Variants in OCA2 observed in about 807,000 individuals in gnomAD.
OCA2 encodes the protein OCA2 melanosomal transmembrane protein, also known as P protein.
OCA2 carries 77 observed loss-of-function variants against 100.2 expected under a neutral mutation model. The observed-to-expected ratio is 0.77, with a 90% CI of 0.64 to 0.93. OCA2 has a LOEUF of 0.93. Ranked by LOEUF, OCA2 falls within the 40% of genes least tolerant of loss-of-function variation. OCA2 has a pLI of 0.00. For synonymous variants in OCA2, 432 were observed against 439.2 expected, an observed-to-expected ratio of 0.98 and a Z score of 0.21; for missense variants, 1,062 against 1,089.1, an observed-to-expected ratio of 0.98 and a Z score of 0.35.
At chr15:27,817,075 C>T (rs2034330851) in intron 23 of OCA2, among the ~76,000 whole-genome samples, 1 of 152,204 alleles carries the variant, frequency 6.6e-6, no homozygotes, top group Non-Finnish European at 1.5e-5. Flanking sequence ...GGCCGTCCCT[C>T]TAGGCTCTGC....
At chr15:27,828,240 G>A (rs370972182) in intron 23 of OCA2, among the ~76,000 whole-genome samples, 38 of 152,218 alleles carry the variant, frequency 2.5e-4, no homozygotes, top group African/African-American at 7.5e-4. Context: ...GGAAGGGCTC[G>A]CTCTTGGCCA....
chr15:27,862,322 C>T (rs554976115), intron 21 of OCA2, among the ~76,000 whole-genome samples: 47 of 152,128 alleles, frequency 3.1e-4, no homozygotes, highest in African/African-American at 1.1e-3. Flanking sequence ...CGAGTCCTCA[C>T]GGACAGAAAG....
Position 28,053,283 on chromosome 15 carries a change from A to G in OCA2, c.228-21120T>C, listed in dbSNP as rs2043575719. 1.3e-5 allele frequency among the ~76,000 whole-genome samples: 2 copies of G among 152,206 alleles called. 1 individual carries two copies. Among genetic ancestry groups the G allele is most frequent in the South Asian group, 4.1e-4 (2 of 4,828 alleles). ...ACATGGGTGGGCCATGGAGGGCACA[A>G]GACAGCCACGTTCACCTTCACACAC... On this transcript the variant is annotated intron_variant, in intron 2 of 23. Transcript: ENST00000354638.
chr15:27,921,414 T>C, intron 19 of OCA2, among the ~76,000 whole-genome samples: 1 of 152,196 alleles, frequency 6.6e-6, no homozygotes, highest in East Asian at 1.9e-4. Flanking sequence ...AGAGAATTTG[T>C]TTCCAAAAGA....
chr15:27,970,876 G>A (rs2040759147), intron 14 of OCA2, among the ~76,000 whole-genome samples: 1 of 137,136 alleles, frequency 7.3e-6, no homozygotes, highest in Admixed American at 7.5e-5. Flanking sequence ...TGGGAAAACA[G>A]GAAGAACGTG....
intron 18 of OCA2, among the ~76,000 whole-genome samples, chr15:27,930,703 AG>A (rs1364829530): frequency 6.6e-6 from 1 of 150,814 alleles, no homozygotes; most frequent in Non-Finnish European, 1.5e-5. Flanking sequence ...CTGAGGATGG[AG>A]GTGCTGGGAG....
chr15:27,889,388 AG>A (rs1310112712), intron 19 of OCA2, among the ~76,000 whole-genome samples: 1 of 152,160 alleles, frequency 6.6e-6, no homozygotes, highest in African/African-American at 2.4e-5. Context: ...ACACATGCTC[AG>A]TTCCTGCCAC....
At chr15:27,926,278 G>A (rs924324171) in intron 18 of OCA2, 24 bp from the exon 19 acceptor site, 6 of 1,613,574 alleles carry the variant, frequency 3.7e-6, no homozygotes, top group Non-Finnish European at 5.1e-6. Flanking sequence ...AATAGACATA[G>A]AGATATAGTT....
intron 18 of OCA2, among the ~76,000 whole-genome samples, chr15:27,931,193 C>T (rs1327931943): frequency 6.8e-6 from 1 of 147,002 alleles, no homozygotes; most frequent in Admixed American, 7.1e-5. Context: ...AAAAAAAGTA[C>T]TAAGATCTCA....
intron 23 of OCA2, among the ~76,000 whole-genome samples, chr15:27,836,503 A>C (rs1386661388): frequency 6.6e-6 from 1 of 152,226 alleles, no homozygotes; most frequent in Non-Finnish European, 1.5e-5. Flanking sequence ...TTCAGAAAAT[A>C]TTGATCTCAC....
intron 22 of OCA2, among the ~76,000 whole-genome samples, chr15:27,846,602 C>G (rs72710547): frequency 0.05 from 7,621 of 152,228 alleles, 246 homozygotes; most frequent in African/African-American, 0.084. Context: ...CAGGTCCTGC[C>G]CAGGTGGAGA....
At chr15:27,781,948 T>C (rs2032564451) in intron 23 of OCA2, among the ~76,000 whole-genome samples, 2 of 152,210 alleles carry the variant, frequency 1.3e-5, no homozygotes, top group South Asian at 2.1e-4. Flanking sequence ...TTTTTGAGCA[T>C]CTACAGTGTT....
Position 27,871,173 on chromosome 15 carries a change from A to C in OCA2, c.2225T>G (p.Ile742Ser). The C allele has an allele frequency of 6.2e-7, 1 of 1,613,858 alleles. No homozygotes were observed. Residue 742 changes from isoleucine to serine, a missense_variant, in exon 21 of 24, where the codon ATC (isoleucine) becomes AGC (serine). By Grantham distance (142) the Ile-to-Ser change is moderately radical. Transcript: ENST00000354638. ...SALASSLIDNIPFTATMIPVL... is the reference protein window; with the variant it reads ...SALASSLIDNSPFTATMIPVL... ...ACTCACCATGGTAGCAGTGAACGGG[A>C]TGTTGTCAATCAGGGACGACGCCAG... is the stretch of plus-strand genomic sequence containing the variant.
intron 9 of OCA2, 106 bp downstream of exon 9, chr15:28,014,670 A>T: frequency 8.3e-7 from 1 of 1,203,986 alleles, no homozygotes; most frequent in Admixed American, 1.9e-5. Flanking sequence ...ACACTAGTCC[A>T]GTTTGATTAA....
chr15:27,930,307 G>T lies in OCA2; in HGVS notation c.1952-4053C>A, dbSNP rs141931941. ...TACTCAAACCATGGAATACTACTCA[G>T]TAATAACAGGAATGAATTATTGATG... On this transcript the variant is annotated intron_variant, in intron 18 of 23. Coordinates refer to ENST00000354638, the MANE Select transcript of OCA2 (RefSeq NM_000275.3). 5.5e-4 allele frequency among the ~76,000 whole-genome samples: 83 copies of T among 152,256 alleles called. 1 individual carries two copies. Among genetic ancestry groups the T allele is most frequent in the African/African-American group, 1.9e-3 (80 of 41,570 alleles).
chr15:27,930,804 T>C (rs992988832), intron 18 of OCA2, among the ~76,000 whole-genome samples: 1 of 151,746 alleles, frequency 6.6e-6, no homozygotes, highest in Non-Finnish European at 1.5e-5. Flanking sequence ...GTCTGACACT[T>C]CATCTCTAAA....
chr15:28,008,621 T>G (rs892709634), intron 9 of OCA2, among the ~76,000 whole-genome samples: 1 of 152,218 alleles, frequency 6.6e-6, no homozygotes, highest in Non-Finnish European at 1.5e-5. Context: ...TCTCCTTTGT[T>G]TGGTATACTC....
At chr15:27,945,553 G>A (rs530976229) in intron 18 of OCA2, among the ~76,000 whole-genome samples, 1 of 152,308 alleles carries the variant, frequency 6.6e-6, no homozygotes, top group African/African-American at 2.4e-5. Flanking sequence ...AGGCCCCAGT[G>A]TCCTTGGAGC....
chr15:27,739,345 T>TAATA, the OCA2 span, among the ~76,000 whole-genome samples: 2 of 152,080 alleles, frequency 1.3e-5, no homozygotes, highest in Non-Finnish European at 2.9e-5. Flanking sequence ...GCTTGACTAT[T>TAATA]ATTTCCAGAT....
Sources: allele counts gnomAD v4.1 joint callset (sites outside exome capture counted in the v4.1 genomes callset), GRCh38; gene constraint gnomAD v4.1.1; transcripts MANE v1.5; gene names NCBI Gene and HGNC (gene_info 2026-07-23, HGNC 2026-07-21).